PPP1R13L: variants seen among roughly 807,000 people sequenced by gnomAD.
The protein encoded by PPP1R13L is relA-associated inhibitor.
A neutral mutation model predicts 80.9 loss-of-function variants in PPP1R13L; 50 were observed. The observed-to-expected ratio is 0.62, with a 90% CI of 0.49 to 0.78. The LOEUF (loss-of-function observed/expected upper bound fraction) is 0.78, where lower values mean the gene tolerates loss of function less well. Among genes scored for constraint, PPP1R13L ranks in the 30% least tolerant of loss-of-function variants. PPP1R13L has a pLI of 0.00. For missense variants in PPP1R13L, 1,200 were observed against 1,205.9 expected, an observed-to-expected ratio of 1.00 and a Z score of 0.07; for synonymous variants, 602 against 534.3, an observed-to-expected ratio of 1.13 and a Z score of -1.75.
intron 1 of PPP1R13L, among the ~76,000 whole-genome samples, chr19:45,404,255 G>C (rs780769944): frequency 2.0e-5 from 3 of 152,144 alleles, no homozygotes; most frequent in Admixed American, 6.6e-5. Context: ...CTGGGTTCTA[G>C]AACTACCTCT....
intron 12 of PPP1R13L, among the ~76,000 whole-genome samples, chr19:45,381,455 C>A (rs138882818): frequency 2.0e-3 from 305 of 152,178 alleles, no homozygotes; most frequent in African/African-American, 7.0e-3. Flanking sequence ...AATTCTGTAA[C>A]CCACCCACCA....
intron 11 of PPP1R13L, 136 bp from the exon 12 acceptor site, chr19:45,382,862 G>T (rs1972791633): frequency 1.3e-6 from 1 of 765,824 alleles, no homozygotes; most frequent in Non-Finnish European, 2.1e-6. Flanking sequence ...TGTGCCCATG[G>T]CTGTGGATGG....
At position 45,398,102 on chromosome 19, in the gene PPP1R13L, G is replaced by A. The variant is rs758718132; in HGVS notation, c.101C>T (p.Thr34Met). The change falls in exon 3 of 13, where the codon ACG (threonine) becomes ATG (methionine). Residue 34 changes from threonine (T) to methionine (M), a missense_variant. Around this residue, in one of 5 missense-constraint regions of PPP1R13L, gnomAD observed 764 missense variants for 714.5 expected, o/e 1.07. Coordinates refer to ENST00000360957, the MANE Select transcript of PPP1R13L (RefSeq NM_006663.4). ...CAGTTCATCCACCTTGGCCGCCGCCGTGTCCAGCTCCATCTGCTTCAGATC... is the reference window on the plus strand; with the variant it reads ...CAGTTCATCCACCTTGGCCGCCGCCATGTCCAGCTCCATCTGCTTCAGATC... ...HMDLKQMELD[T>M]AAAKVDELTK... is the part of the protein sequence containing the mutation. 5 of 1,614,186 alleles carry A rather than the reference G, an allele frequency of 3.1e-6. No individual in the cohort carries two copies. The highest frequency in any genetic ancestry group is 1.3e-5 in the African/African-American group (1 of 75,058).
chr19:45,400,257 G>A (rs1226031229), intron 1 of PPP1R13L, among the ~76,000 whole-genome samples: 1 of 151,954 alleles, frequency 6.6e-6, no homozygotes, highest in Non-Finnish European at 1.5e-5. Context: ...AGAGGAACAG[G>A]GAGGTGGCCA....
chr19:45,405,423 C>G (rs1973318303), upstream of PPP1R13L, among the ~76,000 whole-genome samples: 1 of 152,152 alleles, frequency 6.6e-6, no homozygotes, highest in Non-Finnish European at 1.5e-5. Context: ...ATCTCCCCGT[C>G]GATAAAAAGC....
chr19:45,390,241 A>G (rs965612105), intron 8 of PPP1R13L, among the ~76,000 whole-genome samples: 6 of 151,940 alleles, frequency 3.9e-5, no homozygotes, highest in African/African-American at 1.5e-4. Context: ...GAATGAGACC[A>G]CCACTTCTCC....
chr19:45,405,584 C>T (rs1973325239), upstream of PPP1R13L, among the ~76,000 whole-genome samples: 1 of 152,246 alleles, frequency 6.6e-6, no homozygotes, highest in South Asian at 2.1e-4. Context: ...GGCTGCACCC[C>T]GGTGTCTCTC....
chr19:45,397,291 C>T (rs1431357099), intron 3 of PPP1R13L, among the ~76,000 whole-genome samples: 1 of 151,960 alleles, frequency 6.6e-6, no homozygotes, highest in Non-Finnish European at 1.5e-5. Flanking sequence ...TAGGTAAACA[C>T]CTCTTTCCTT....
chr19:45,397,527 G>T (rs1483323601), intron 3 of PPP1R13L, among the ~76,000 whole-genome samples: 2 of 68,056 alleles, frequency 2.9e-5, no homozygotes, highest in South Asian at 6.3e-4. Context: ...TTCTATCTCG[G>T]CTCATTGCAG....
chr19:45,395,532 G>A lies in PPP1R13L; in HGVS notation c.1258C>T (p.Pro420Ser). The stretch of plus-strand genomic sequence containing the variant: ...GGCTGTGGGGGCAGCTGGGGCTGTG[G>A]TTGTGATTGTGGCTGGGGCTGTGGT... ...PQPQPQPQSQ[P>S]QPQLPPQPQT... Residue 420 changes from proline (P) to serine (S), a missense_variant, in exon 7 of 13, where the codon CCA becomes TCA. Physicochemically the swap from Pro to Ser is moderately conservative, Grantham distance 74. Transcript: ENST00000360957. 1 of 1,494,480 alleles carries A rather than the reference G, an allele frequency of 6.7e-7. No individual in the cohort carries two copies. The highest frequency in any genetic ancestry group is 8.9e-7 in the Non-Finnish European group (1 of 1,121,012). The allele number at this position is 1,494,480 out of a possible 1,614,324, so 92.6% of individuals were successfully genotyped here.
intron 8 of PPP1R13L, among the ~76,000 whole-genome samples, chr19:45,386,900 T>G (rs1035289736): frequency 6.6e-6 from 1 of 151,234 alleles, no homozygotes; most frequent in Non-Finnish European, 1.5e-5. Flanking sequence ...CCTCCCAAAG[T>G]GCTAGGATTA....
chr19:45,392,169 T>G lies in PPP1R13L; in HGVS notation c.1526A>C (p.Glu509Ala), dbSNP rs371978105. ...AATTTCCGCCAACACCCGTGCCACC[T>G]CCTCCAGCTCGGGCACCGACTGTGC... Reference protein sequence around the residue: ...PEAQSVPELEEVARVLAEIPR... With the variant: ...PEAQSVPELEAVARVLAEIPR... Residue 509 changes from glutamate (E) to alanine (A), a missense_variant, in exon 8 of 13, where the codon GAG becomes GCG. Around this residue, in one of 5 missense-constraint regions of PPP1R13L, gnomAD observed 53 missense variants for 96.5 expected, o/e 0.55. Coordinates refer to ENST00000360957, the MANE Select transcript of PPP1R13L (RefSeq NM_006663.4). The G allele has an allele frequency of 1.2e-5, 20 of 1,604,794 alleles. No individual in the cohort carries two copies. The African/African-American group carries it at 1.7e-4, about 14-fold the overall frequency.
At chr19:45,380,351 G>A in intron 12 of PPP1R13L, 123 bp from the exon 13 acceptor site, 9 of 1,088,162 alleles carry the variant, frequency 8.3e-6, no homozygotes, top group Non-Finnish European at 1.2e-5. Context: ...CTCCCAAACT[G>A]CTCCAGAATC....
intron 7 of PPP1R13L, 133 bp downstream of exon 7, chr19:45,395,303 C>T (rs1973058604): frequency 1.6e-6 from 2 of 1,273,634 alleles, no homozygotes; most frequent in African/African-American, 2.9e-5. Context: ...CTCACCTGGC[C>T]TAGCTCTCTG....
chr19:45,398,554 G>A (rs1248597565), intron 1 of PPP1R13L, among the ~76,000 whole-genome samples: 3 of 151,640 alleles, frequency 2.0e-5, no homozygotes, highest in African/African-American at 4.8e-5. Context: ...TAAAACCTCC[G>A]GAATTCACTT....
chr19:45,405,187 G>C (rs1486615687), upstream of PPP1R13L: 1 of 249,276 alleles, frequency 4.0e-6, no homozygotes, highest in Non-Finnish European at 6.4e-6. Context: ...AGTCCCGGAG[G>C]GACAGGACGT....
intron 8 of PPP1R13L, among the ~76,000 whole-genome samples, chr19:45,390,833 C>T (rs190329903): frequency 3.2e-3 from 486 of 152,240 alleles, no homozygotes; most frequent in Middle Eastern, 0.014. Flanking sequence ...ATCCACCCAC[C>T]TCGGCCTCCC....
chr19:45,397,701 G>T (rs1426060861), intron 3 of PPP1R13L, among the ~76,000 whole-genome samples: 1 of 151,376 alleles, frequency 6.6e-6, no homozygotes, highest in Non-Finnish European at 1.5e-5. Flanking sequence ...CAAGTGATCC[G>T]CCTGTCTCTG....
chr19:45,382,247 T>TAAAATA (rs780050924), intron 12 of PPP1R13L, among the ~76,000 whole-genome samples: 21 of 151,126 alleles, frequency 1.4e-4, no homozygotes, highest in Admixed American at 3.3e-4. Flanking sequence ...AATAAATAAA[T>TAAAATA]AAAATAAAAA....
Sources: gnomAD v4.1 joint callset for allele counts (sites outside exome capture counted in the v4.1 genomes callset) on GRCh38, gnomAD v4.1.1 for gene constraint, gnomAD v4.1.1 regional missense constraint, MANE v1.5 for transcripts, NCBI Gene and HGNC (gene_info 2026-07-23, HGNC 2026-07-21) for gene names.